CNIH3: variants seen among roughly 807,000 people sequenced by gnomAD.
The protein encoded by CNIH3 is protein cornichon homolog 3.
CNIH3 carries 14 observed loss-of-function variants against 24.1 expected under a neutral mutation model. The observed-to-expected ratio is 0.58, with a 90% CI of 0.38 to 0.91. The LOEUF (loss-of-function observed/expected upper bound fraction) is 0.91. Among genes scored for constraint, CNIH3 ranks in the 40% least tolerant of loss-of-function variants. The probability of loss-of-function intolerance (pLI) is 0.00; values close to 1 mark genes in which losing one functional copy is unlikely to be tolerated. For synonymous variants in CNIH3, 68 were observed against 73.8 expected, an observed-to-expected ratio of 0.92 and a Z score of 0.40; for missense variants, 178 against 196.8, an observed-to-expected ratio of 0.90 and a Z score of 0.57.
At chr1:224,616,219 G>T (rs560438368), upstream of CNIH3, 786 of 157,146 alleles carry the variant, frequency 5.0e-3, 9 homozygotes, top group African/African-American at 0.018. Context: ...CCCCGGCGCT[G>T]CAGTCTCCGC....
intron 1 of CNIH3, among the ~76,000 whole-genome samples, chr1:224,450,268 A>C (rs1337867335): frequency 1.3e-5 from 2 of 152,202 alleles, no homozygotes; most frequent in African/African-American, 4.8e-5. Context: ...AAAAGAAATA[A>C]ATAAACAGGA....
chr1:224,434,770 T>C (rs1674565488), exon 1 of CNIH3: 4 of 986,204 alleles, frequency 4.1e-6, no homozygotes, highest in South Asian at 9.1e-5. Flanking sequence ...CCCTGGTGTG[T>C]TGATTCTTCC....
rs1003743348 is a variant in CNIH3, at chr1:224,532,826, G to A, written n.344-4110G>A. On this transcript the variant is annotated intron_variant and non_coding_transcript_variant, in intron 2 of 2. Coordinates refer to the CNIH3 transcript ENST00000470602. ...TTATATATATCAGGTTGACTGTTTC[G>A]CAGCTTTATGTGGTTCAACTTAATA... 3.3e-5 allele frequency among the ~76,000 whole-genome samples: 5 copies of A among 152,154 alleles called. No individual in the cohort carries two copies. In the South Asian group the frequency reaches 6.2e-4, roughly 19 times the overall value.
upstream of CNIH3, among the ~76,000 whole-genome samples, chr1:224,513,045 T>C (rs573920531): frequency 2.0e-5 from 3 of 152,356 alleles, no homozygotes; most frequent in African/African-American, 4.8e-5. Context: ...TAATAAATGG[T>C]AACTGACATT....
intron 1 of CNIH3, among the ~76,000 whole-genome samples, chr1:224,624,303 C>T (rs1167084869): frequency 6.6e-6 from 1 of 152,144 alleles, no homozygotes; most frequent in Non-Finnish European, 1.5e-5. Context: ...TTCTGGGGCC[C>T]TGTTTCTCCT....
chr1:224,646,796 A>G (rs548670988), intron 1 of CNIH3, among the ~76,000 whole-genome samples: 1 of 152,276 alleles, frequency 6.6e-6, no homozygotes, highest in Admixed American at 6.5e-5. Context: ...GACAGAAATA[A>G]TATTTGTTAG....
intron 1 of CNIH3, chr1:224,454,375 T>C: frequency 1.1e-6 from 1 of 905,290 alleles, no homozygotes; most frequent in Non-Finnish European, 1.3e-6. Context: ...CTATATTGTG[T>C]TGAACATAAT....
chr1:224,533,965 G>A lies in CNIH3; in HGVS notation n.344-2971G>A, dbSNP rs1472507653. Among the ~76,000 whole-genome samples the A allele has an allele frequency of 5.3e-5, 8 of 152,314 alleles. No individual in the cohort carries two copies. In the East Asian group the frequency reaches 1.4e-3, roughly 26 times the overall value. ...GGATCGCTTGAGCCCAGGAGTTTGA[G>A]ACTAGCCTGGGCAACATGGTGAAAC... On this transcript the variant is annotated intron_variant and non_coding_transcript_variant, in intron 2 of 2. Transcript: ENST00000470602.
chr1:224,488,144 A>G (rs1677098908), intron 1 of CNIH3, among the ~76,000 whole-genome samples: 1 of 152,014 alleles, frequency 6.6e-6, no homozygotes, highest in South Asian at 2.1e-4. Context: ...CTAAAGAGGT[A>G]TAAGTCAAAA....
intron 1 of CNIH3, among the ~76,000 whole-genome samples, chr1:224,647,196 T>A (rs973084199): frequency 1.3e-5 from 2 of 152,196 alleles, no homozygotes; most frequent in Middle Eastern, 3.2e-3. Flanking sequence ...TTGGCCAGGC[T>A]GGTCTTGAAC....
chr1:224,598,343 T>A (rs1682073314), intron 3 of CNIH3, among the ~76,000 whole-genome samples: 1 of 152,226 alleles, frequency 6.6e-6, no homozygotes, highest in African/African-American at 2.4e-5. Flanking sequence ...GAGTTGCTTC[T>A]TATGGATGAG....
intron 4 of CNIH3, among the ~76,000 whole-genome samples, chr1:224,577,448 C>A (rs184454307): frequency 6.6e-6 from 1 of 151,686 alleles, no homozygotes; most frequent in African/African-American, 2.4e-5. Context: ...ATGCCCAACA[C>A]GAAAAAATGC....
At chr1:224,440,709 C>T (rs192633122) in intron 1 of CNIH3, among the ~76,000 whole-genome samples, 1 of 152,180 alleles carries the variant, frequency 6.6e-6, no homozygotes, top group Non-Finnish European at 1.5e-5. Context: ...AAAGCATAAA[C>T]AGGGTTTCTC....
intron 5 of CNIH3, among the ~76,000 whole-genome samples, chr1:224,736,752 T>C (rs2125250183): frequency 6.6e-6 from 1 of 152,332 alleles, no homozygotes; most frequent in South Asian, 2.1e-4. Flanking sequence ...TCCGGAGATT[T>C]CTACGGTGCC....
chr1:224,564,463 C>A (rs1426222062), intron 3 of CNIH3, among the ~76,000 whole-genome samples: 1 of 152,254 alleles, frequency 6.6e-6, no homozygotes, highest in Non-Finnish European at 1.5e-5. Flanking sequence ...CAGTGCAAGA[C>A]AAATCGTACT....
At chr1:224,536,442 C>T (rs1240514491) in intron 2 of CNIH3, among the ~76,000 whole-genome samples, 1 of 151,986 alleles carries the variant, frequency 6.6e-6, no homozygotes. Flanking sequence ...CAGGCATGCG[C>T]CACCACGCCT....
At chr1:224,706,514 C>T (rs1424526456) in intron 3 of CNIH3, among the ~76,000 whole-genome samples, 4 of 152,152 alleles carry the variant, frequency 2.6e-5, no homozygotes, top group Non-Finnish European at 5.9e-5. Flanking sequence ...TGTGGGTGCC[C>T]AAGACCACAC....
intron 1 of CNIH3, among the ~76,000 whole-genome samples, chr1:224,637,077 G>A (rs961674227): frequency 1.5e-4 from 23 of 150,978 alleles, no homozygotes; most frequent in Non-Finnish European, 3.1e-4. Flanking sequence ...TCAGCCTCCC[G>A]ACTAGCTGGG....
chr1:224,454,589 A>C (rs555918860), intron 1 of CNIH3, among the ~76,000 whole-genome samples: 8 of 152,014 alleles, frequency 5.3e-5, no homozygotes, highest in Admixed American at 3.3e-4. Context: ...GGCTGCCCTT[A>C]TGGGAGGGAT....
Sources: allele counts gnomAD v4.1 joint callset (sites outside exome capture counted in the v4.1 genomes callset), GRCh38; gene constraint gnomAD v4.1.1; transcripts MANE v1.5; gene names NCBI Gene and HGNC (gene_info 2026-07-23, HGNC 2026-07-21).